SLC12A5: variants seen among roughly 807,000 people sequenced by gnomAD.
SLC12A5 encodes K-Cl cotransporter 2.
SLC12A5 carries 18 observed loss-of-function variants against 124.0 expected under a neutral mutation model. The ratio of observed to expected loss-of-function variants is 0.15; its 90% CI spans 0.10 to 0.22. SLC12A5 has a LOEUF of 0.22. Ranked by LOEUF, SLC12A5 falls within the 10% of genes least tolerant of loss-of-function variation. The pLI is 1.00. For missense variants in SLC12A5, 867 were observed against 1,478.7 expected, an observed-to-expected ratio of 0.59 and a Z score of 6.78; for synonymous variants, 589 against 568.0, an observed-to-expected ratio of 1.04 and a Z score of -0.53.
At position 46,035,191 on chromosome 20, in the gene SLC12A5, C is replaced by T. The variant is rs6032627; in HGVS notation, c.147+149C>T. 2.7e-4 allele frequency: 275 copies of T among 1,020,182 alleles called. No individual in the cohort carries two copies. In the African/African-American group the frequency reaches 3.4e-3, roughly 13 times the overall value. The allele number at this position is 1,020,182 out of a possible 1,614,324, so 63.2% of individuals were successfully genotyped here. A position where few individuals can be genotyped will look rare whatever the true frequency, so the allele number is the denominator to read the frequency against. On this transcript the variant is annotated intron_variant, in intron 2 of 25. Coordinates refer to ENST00000243964, the MANE Select transcript of SLC12A5 (RefSeq NM_020708.5). ...TCCTTGAGCCTCCCCATCCCTCCTT[C>T]TCCCTCCTGGGATTTACTCCCTCTG...
upstream of SLC12A5, among the ~76,000 whole-genome samples, chr20:46,028,666 G>A (rs1304841949): frequency 2.0e-5 from 3 of 152,128 alleles, no homozygotes; most frequent in African/African-American, 7.2e-5. Context: ...GCAGTGGTAT[G>A]AAAGAGGGTC....
In SLC12A5 at chr20:46,051,783, G is replaced by A. The variant is rs1229791643; in HGVS notation, c.2290G>A (p.Gly764Arg). Residue 764 changes from glycine (G) to arginine (R), a missense_variant, in exon 18 of 26, where the codon GGG becomes AGG. By Grantham distance (125) the Gly-to-Arg change is moderately radical. Coordinates refer to ENST00000243964, the MANE Select transcript of SLC12A5 (RefSeq NM_020708.5). The stretch of plus-strand genomic sequence containing the variant: ...CCATCTGATCCAGTCCGGGGGCCTC[G>A]GGGGGCTGCAGCACAACACTGTGCT... ...VSHLIQSGGL[G>R]GLQHNTVLVG... is the part of the protein sequence containing the mutation. The A allele has an allele frequency of 1.9e-6, 3 of 1,607,576 alleles. No individual in the cohort carries two copies. Among genetic ancestry groups the A allele is most frequent in the East Asian group, 2.3e-5 (1 of 44,276 alleles).
At chr20:46,048,131 G>A in intron 16 of SLC12A5, 46 bp downstream of exon 16, 1 of 1,525,612 alleles carries the variant, frequency 6.6e-7, no homozygotes, top group South Asian at 1.2e-5. Context: ...GTGTGCATGA[G>A]TGCAAGGCTC....
In SLC12A5 at chr20:46,041,393, T is replaced by C. The variant is rs1311335449; in HGVS notation, c.919T>C (p.Trp307Arg). 6.2e-7 allele frequency: 1 copy of C among 1,613,970 alleles called. No homozygotes were observed. Among genetic ancestry groups the C allele is most frequent in the East Asian group, 2.2e-5 (1 of 44,888 alleles). Residue 307 changes from tryptophan to arginine, a missense_variant, in exon 8 of 26, where the codon TGG (tryptophan) becomes CGG (arginine). Physicochemically the swap from Trp to Arg is moderately radical, Grantham distance 101. Coordinates refer to ENST00000243964, the MANE Select transcript of SLC12A5 (RefSeq NM_020708.5). Reference sequence around the variant, plus strand: ...CTTTGATGTCTGTGCCAAGCTGGCTTGGGAAGGAAATGAGACGGTGACCAC... The same window carrying C: ...CTTTGATGTCTGTGCCAAGCTGGCTCGGGAAGGAAATGAGACGGTGACCAC... ...HGFDVCAKLA[W>R]EGNETVTTRL...
chr20:46,043,656 T>A lies in SLC12A5; in HGVS notation c.1261T>A (p.Ser421Thr). The A allele has an allele frequency of 6.2e-7, 1 of 1,614,186 alleles. No individual in the cohort carries two copies. The highest frequency in any genetic ancestry group is 8.5e-7 in the Non-Finnish European group (1 of 1,180,038). ...AGGGATCATGGCTGGTTCTAACCGC[T>A]CTGGGGACCTGAGGGATGCCCAGAA... The part of the protein sequence containing the change: ...VTGIMAGSNR[S>T]GDLRDAQKSI... The change falls in exon 10 of 26, where the codon TCT (serine) becomes ACT (threonine). Residue 421 changes from serine (S) to threonine (T), a missense_variant. Physicochemically the swap from Ser to Thr is moderately conservative, Grantham distance 58. Around this residue, in one of 9 missense-constraint regions of SLC12A5, gnomAD observed 152 missense variants for 358.7 expected, o/e 0.42. Transcript: ENST00000243964.
In SLC12A5 at chr20:46,051,779, C is replaced by A. The variant is rs766120516; in HGVS notation, c.2286C>A (p.Gly762=). 1.9e-6 allele frequency: 3 copies of A among 1,608,932 alleles called. No individual in the cohort carries two copies. Among genetic ancestry groups the A allele is most frequent in the African/African-American group, 2.7e-5 (2 of 74,642 alleles). ...TGTCCCATCTGATCCAGTCCGGGGG[C>A]CTCGGGGGGCTGCAGCACAACACTG... ...DGVSHLIQSG[G]LGGLQHNTVL... Residue 762 remains glycine (G), a synonymous_variant, in exon 18 of 26, where the codon GGC becomes GGA. Transcript: ENST00000243964.
chr20:46,056,754 C>A lies in SLC12A5; in HGVS notation c.3111-143C>A. ...TGCTAAGTCTCAGAATTCCCAGTTG[C>A]AGGCAGCGGAAAGGTGAAGGGTGTG... On this transcript the variant is annotated intron_variant, in intron 23 of 25. Transcript: ENST00000243964. The surrounding 1 kb of genome is among the most constrained non-coding windows in gnomAD (Gnocchi z 4.3). The A allele has an allele frequency of 8.8e-7, 1 of 1,138,768 alleles. No homozygotes were observed. The allele number at this position is 1,138,768 out of a possible 1,614,324, so 70.5% of individuals were successfully genotyped here. A position where few individuals can be genotyped will look rare whatever the true frequency, so the allele number is the denominator to read the frequency against.
chr20:46,049,852 T>C, intron 17 of SLC12A5, 62 bp downstream of exon 17: 2 of 1,474,968 alleles, frequency 1.4e-6, no homozygotes, highest in Non-Finnish European at 1.8e-6. Flanking sequence ...ACAGTCTCTA[T>C]CCTTTTGTAC....
At chr20:46,039,845 T>C (rs1280005321) in intron 6 of SLC12A5, among the ~76,000 whole-genome samples, 1 of 151,978 alleles carries the variant, frequency 6.6e-6, no homozygotes, top group Non-Finnish European at 1.5e-5. Context: ...AACTACATCA[T>C]CTTTTTTAAT....
chr20:46,058,080 T>G lies in SLC12A5; in HGVS notation c.*475T>G. ...CCGCGCTTGCCGTCTCCGCCGCCCC[T>G]TCTCGCCGAGCCGTGGGGCGCGGGC... is the stretch of plus-strand genomic sequence containing the variant. On this transcript the variant is annotated 3_prime_UTR_variant, in exon 26 of 26. Transcript: ENST00000243964. The surrounding 1 kb of genome is among the most constrained non-coding windows in gnomAD (Gnocchi z 5.8). 1 of 176,986 alleles carries G rather than the reference T, an allele frequency of 5.7e-6. No individual in the cohort carries two copies. Among genetic ancestry groups the G allele is most frequent in the Non-Finnish European group, 1.2e-5 (1 of 85,542 alleles). The allele number at this position is 176,986 out of a possible 1,614,324, so 11.0% of individuals were successfully genotyped here.
intron 8 of SLC12A5, 128 bp downstream of exon 8, chr20:46,041,668 A>G (rs961161782): frequency 3.3e-6 from 3 of 919,220 alleles, no homozygotes; most frequent in African/African-American, 1.6e-5. Context: ...ACCTACTCTG[A>G]GTTACATTCT....
intron 1 of SLC12A5, among the ~76,000 whole-genome samples, chr20:46,029,640 C>A (rs1258787972): frequency 1.3e-5 from 2 of 152,136 alleles, no homozygotes; most frequent in African/African-American, 4.8e-5. Flanking sequence ...CCCACGGCTT[C>A]GGGCTGACTT....
intron 17 of SLC12A5, 43 bp downstream of exon 17, chr20:46,049,833 C>G (rs751834950): frequency 2.0e-6 from 3 of 1,515,842 alleles, no homozygotes; most frequent in Admixed American, 2.2e-5. Context: ...GGTCAGGACA[C>G]TTAGGAAGAC....
chr20:46,041,626 A>G, intron 8 of SLC12A5, 86 bp downstream of exon 8: 1 of 1,363,576 alleles, frequency 7.3e-7, no homozygotes, highest in Non-Finnish European at 1.0e-6. Flanking sequence ...CCTCCTTGGG[A>G]TTCAGCTAAA....
upstream of SLC12A5, among the ~76,000 whole-genome samples, chr20:46,024,887 T>C (rs2084383950): frequency 2.0e-5 from 3 of 152,208 alleles, no homozygotes. Context: ...TCTGATCCTC[T>C]ACTATGCCTC....
In SLC12A5 at chr20:46,058,780, G is replaced by A. The variant is rs2084721820; in HGVS notation, c.*1175G>A. ...TTCTGGTTTAGGGGCCGGACCCACT[G>A]AGAGGCCCCAGAGCCGCCCGTGATG... On this transcript the variant is annotated 3_prime_UTR_variant, in exon 26 of 26. Transcript: ENST00000243964. The surrounding 1 kb of genome is among the most constrained non-coding windows in gnomAD (Gnocchi z 5.8). 2.5e-6 allele frequency: 1 copy of A among 398,438 alleles called. No homozygotes were observed. Among genetic ancestry groups the A allele is most frequent in the African/African-American group, 2.1e-5 (1 of 48,770 alleles). The allele number at this position is 398,438 out of a possible 1,614,324, so 24.7% of individuals were successfully genotyped here.
chr20:46,036,741 A>G lies in SLC12A5; in HGVS notation c.427A>G (p.Thr143Ala). Reference protein sequence around the residue: ...FCMVFICCSCTMLTAISMSAI... With the variant: ...FCMVFICCSCAMLTAISMSAI... ...GCTCTGATGATCTCTTTCCTCACAG[A>G]CGATGCTCACGGCCATCTCCATGAG... The change falls in exon 5 of 26, where the codon ACG (threonine) becomes GCG (alanine). Residue 143 changes from threonine (T) to alanine (A), a missense_variant and splice_region_variant. Around this residue, in one of 9 missense-constraint regions of SLC12A5, gnomAD observed 126 missense variants for 291.6 expected, o/e 0.43. Transcript: ENST00000243964. 6.2e-7 allele frequency: 1 copy of G among 1,613,754 alleles called. No homozygotes were observed. The highest frequency in any genetic ancestry group is 8.5e-7 in the Non-Finnish European group (1 of 1,179,836).
At chr20:46,031,631 C>A (rs1202544652) in intron 1 of SLC12A5, among the ~76,000 whole-genome samples, 1 of 152,200 alleles carries the variant, frequency 6.6e-6, no homozygotes, top group Non-Finnish European at 1.5e-5. Flanking sequence ...TCTGACGCCC[C>A]GTCTCCCTCT....
chr20:46,047,848 G>C (rs1017156527), intron 15 of SLC12A5, 133 bp from the exon 16 acceptor site: 50 of 907,520 alleles, frequency 5.5e-5, no homozygotes, highest in Non-Finnish European at 7.5e-5. Flanking sequence ...TGAGTCTGTT[G>C]GCAGGAGTGA....
Sources: allele counts gnomAD v4.1 joint callset (sites outside exome capture counted in the v4.1 genomes callset), GRCh38; gene constraint gnomAD v4.1.1; regional missense constraint gnomAD v4.1.1; non-coding constraint Gnocchi (gnomAD v3.1); transcripts MANE v1.5; gene names NCBI Gene and HGNC (gene_info 2026-07-23, HGNC 2026-07-21).